NIPA2: variants seen among roughly 807,000 people sequenced by gnomAD.
NIPA2 encodes the protein NIPA magnesium transporter 2.
A neutral mutation model predicts 29.7 loss-of-function variants in NIPA2; 11 were observed. The observed-to-expected ratio is 0.37, with a 90% confidence interval of 0.23 to 0.61. The LOEUF is 0.61. NIPA2 is among the 20% of genes least tolerant of loss of function. The pLI, the probability that NIPA2 is intolerant of heterozygous loss-of-function variation, is 0.66. For synonymous variants in NIPA2, 183 were observed against 161.9 expected, an observed-to-expected ratio of 1.13 and a Z score of -0.99; for missense variants, 426 against 437.9, an observed-to-expected ratio of 0.97 and a Z score of 0.24.
Position 22,866,722 on chromosome 15 carries a change from A to G in NIPA2, c.958A>G (p.Met320Val), listed in dbSNP as rs149521152. Residue 320 changes from methionine (M) to valine (V), a missense_variant, in exon 8 of 8, where the codon ATG becomes GTG. This residue lies in a region of NIPA2 where 357 missense variants were observed against 339.8 expected (regional missense o/e 1.05). Transcript: ENST00000337451. ...PVSFRKDEKA[M>V]NGNLSNMYEV... ...GTCTTTTCGAAAAGACGAGAAAGCA[A>G]TGAATGGCAATCTCTCTAATATGTA... is the stretch of plus-strand genomic sequence containing the variant. The G allele has an allele frequency of 1.0e-4, 161 of 1,614,124 alleles. No homozygotes were observed. Among genetic ancestry groups the G allele is most frequent in the African/African-American group, 4.8e-4 (36 of 75,040 alleles).
intron 2 of NIPA2, 126 bp downstream of exon 2, chr15:22,839,916 A>T (rs577077439): frequency 6.6e-6 from 1 of 152,212 alleles, no homozygotes; most frequent in African/African-American, 2.4e-5. Context: ...GGTTGGAAAA[A>T]ATTAAATCTA....
rs138029268 is a variant in NIPA2 at position 22,861,957 on chromosome 15, C to T, written c.448+1168C>T. On this transcript the variant is annotated intron_variant, in intron 7 of 7. Transcript: ENST00000337451. ...TTTACCATGTTGGCCAGGTTGGTGT[C>T]GAACTCCTGATCACAAGTGATCCAC... is the stretch of plus-strand genomic sequence containing the variant. Among the ~76,000 whole-genome samples the T allele has an allele frequency of 1.5e-3, 220 of 150,228 alleles. 1 individual carries two copies. Among genetic ancestry groups the T allele is most frequent in the African/African-American group, 5.1e-3 (208 of 40,782 alleles).
intron 7 of NIPA2, among the ~76,000 whole-genome samples, chr15:22,864,847 G>A (rs1042345268): frequency 6.2e-5 from 9 of 145,556 alleles, no homozygotes; most frequent in South Asian, 2.2e-4. Context: ...TCTGACTTAC[G>A]AAGGATTGTT....
intron 3 of NIPA2, among the ~76,000 whole-genome samples, chr15:22,851,346 A>T (rs915686976): frequency 6.6e-6 from 1 of 151,636 alleles, no homozygotes; most frequent in African/African-American, 2.4e-5. Context: ...TTTCTGCAGA[A>T]TTTTTTTTTC....
intron 4 of NIPA2, 38 bp from the exon 5 acceptor site, chr15:22,853,174 C>T (rs371111295): frequency 8.1e-5 from 110 of 1,362,704 alleles, no homozygotes; most frequent in Non-Finnish European, 1.1e-4. Flanking sequence ...AAGAGTCTTA[C>T]AGTCTTCCAA....
In NIPA2 at chr15:22,851,704, C is replaced by A; in HGVS notation, c.-28C>A. 1 of 1,594,180 alleles carries A rather than the reference C, an allele frequency of 6.3e-7. No homozygotes were observed. Among genetic ancestry groups the A allele is most frequent in the South Asian group, 1.1e-5 (1 of 87,130 alleles). ...TCTCTGTTCTGTGATCAATGTGATT[C>A]ACAGGAACTCCTTAAGTAACAAACG... On this transcript the variant is annotated 5_prime_UTR_variant, in exon 4 of 8. Coordinates refer to ENST00000337451, the MANE Select transcript of NIPA2 (RefSeq NM_030922.7).
chr15:22,842,035 G>C (rs1172291220), intron 2 of NIPA2, among the ~76,000 whole-genome samples: 1 of 152,152 alleles, frequency 6.6e-6, no homozygotes, highest in Non-Finnish European at 1.5e-5. Context: ...ACTCCCCAGT[G>C]CCCTTCACAT....
Position 22,867,932 on chromosome 15 carries a change from A to G in NIPA2, c.*1085A>G, listed in dbSNP as rs938854334. 1.3e-5 allele frequency: 2 copies of G among 152,242 alleles called. No homozygotes were observed. The highest frequency in any genetic ancestry group is 2.9e-5 in the Non-Finnish European group (2 of 68,038). The allele number at this position is 152,242 out of a possible 1,614,324, so 9.4% of individuals were successfully genotyped here. On this transcript the variant is annotated 3_prime_UTR_variant, in exon 8 of 8. Coordinates refer to ENST00000337451, the MANE Select transcript of NIPA2 (RefSeq NM_030922.7). ...AAAAAAGGTCTAATGAACTCCATTC[A>G]GCTTTGAACCTATCCACTCATAACC...
chr15:22,850,557 C>T (rs2057658120), intron 3 of NIPA2, among the ~76,000 whole-genome samples: 1 of 152,198 alleles, frequency 6.6e-6, no homozygotes. Flanking sequence ...TTATTGCAGT[C>T]TCCCTGCAGT....
intron 7 of NIPA2, among the ~76,000 whole-genome samples, chr15:22,864,060 GTTGT>G (rs1212806657): frequency 6.7e-6 from 1 of 149,758 alleles, no homozygotes; most frequent in African/African-American, 2.4e-5. Flanking sequence ...TTGAGGGACA[GTTGT>G]TTATTTTGAA....
At chr15:22,846,062 G>A (rs1456020896) in intron 3 of NIPA2, among the ~76,000 whole-genome samples, 1 of 152,118 alleles carries the variant, frequency 6.6e-6, no homozygotes, top group Non-Finnish European at 1.5e-5. Flanking sequence ...GTGAGAGAGG[G>A]ATTTCCATCC....
intron 7 of NIPA2, among the ~76,000 whole-genome samples, chr15:22,861,608 CCTTAT>C (rs1566863288): frequency 6.6e-6 from 1 of 152,046 alleles, no homozygotes; most frequent in East Asian, 1.9e-4. Flanking sequence ...ACAGTTTATC[CCTTAT>C]CTTTTATATG....
chr15:22,850,646 G>C (rs1421175681), intron 3 of NIPA2, among the ~76,000 whole-genome samples: 1 of 152,162 alleles, frequency 6.6e-6, no homozygotes, highest in African/African-American at 2.4e-5. Flanking sequence ...TAAACGCTTA[G>C]CACATAATAT....
intron 7 of NIPA2, among the ~76,000 whole-genome samples, chr15:22,865,735 G>A (rs2058992274): frequency 6.6e-6 from 1 of 152,166 alleles, no homozygotes; most frequent in African/African-American, 2.4e-5. Flanking sequence ...TATCTTTCAA[G>A]TTCTCCAGTT....
At chr15:22,857,692 C>T (rs1009895067) in intron 5 of NIPA2, among the ~76,000 whole-genome samples, 4 of 151,272 alleles carry the variant, frequency 2.6e-5, no homozygotes, top group African/African-American at 9.7e-5. Context: ...TAAAAATTAC[C>T]TGGGCATGGT....
Position 22,867,054 on chromosome 15 carries a change from T to C in NIPA2, c.*207T>C, listed in dbSNP as rs2141707165. 1.9e-6 allele frequency: 1 copy of C among 524,498 alleles called. No homozygotes were observed. The allele number at this position is 524,498 out of a possible 1,614,324, so 32.5% of individuals were successfully genotyped here. On this transcript the variant is annotated 3_prime_UTR_variant, in exon 8 of 8. Coordinates refer to ENST00000337451, the MANE Select transcript of NIPA2 (RefSeq NM_030922.7). ...AAAATGACCTCAGCACATGACGATTTCTATTAACATTTTATTGTTGTAGAA... is the reference window on the plus strand; with the variant it reads ...AAAATGACCTCAGCACATGACGATTCCTATTAACATTTTATTGTTGTAGAA...
intron 5 of NIPA2, 56 bp downstream of exon 5, chr15:22,853,324 C>A: frequency 9.0e-7 from 1 of 1,107,862 alleles, no homozygotes; most frequent in Non-Finnish European, 1.4e-6. Flanking sequence ...AAAATATTTG[C>A]ATATGGTATT....
At chr15:22,842,415 C>T (rs1044752781) in intron 2 of NIPA2, among the ~76,000 whole-genome samples, 6 of 152,010 alleles carry the variant, frequency 3.9e-5, no homozygotes, top group East Asian at 3.9e-4. Flanking sequence ...CTAGGCTGGG[C>T]GCGGTGGCTT....
chr15:22,844,329 G>A (rs1000114619), intron 2 of NIPA2, among the ~76,000 whole-genome samples: 5 of 152,062 alleles, frequency 3.3e-5, no homozygotes, highest in Non-Finnish European at 5.9e-5. Flanking sequence ...GGGAGGCCAA[G>A]GTGGGCGGAT....
Sources: gnomAD v4.1 joint callset for allele counts (sites outside exome capture counted in the v4.1 genomes callset) on GRCh38, gnomAD v4.1.1 for gene constraint, gnomAD v4.1.1 regional missense constraint, MANE v1.5 for transcripts, NCBI Gene and HGNC (gene_info 2026-07-23, HGNC 2026-07-21) for gene names.